The following GLI3 variants were observed in gnomAD, a reference collection of about 807,000 sequenced individuals.
GLI3 encodes GLI family zinc finger 3, also known as transcription activator GLI3.
Under a neutral mutation model 100.8 loss-of-function variants are expected in GLI3, and 20 were observed. The observed-to-expected ratio is 0.20, with a 90% CI of 0.14 to 0.29. The LOEUF (loss-of-function observed/expected upper bound fraction) is 0.29. Among genes scored for constraint, GLI3 ranks in the 10% least tolerant of loss-of-function variants. GLI3 has a pLI of 1.00. For synonymous variants in GLI3, 938 were observed against 860.5 expected, an observed-to-expected ratio of 1.09 and a Z score of -1.58; for missense variants, 2,040 against 2,128.5, an observed-to-expected ratio of 0.96 and a Z score of 0.82.
chr7:42,118,093 C>CTT (rs1255153310), intron 3 of GLI3: 2 of 372,294 alleles, frequency 5.4e-6, no homozygotes, highest in Non-Finnish European at 9.5e-6. Context: ...GGATTTTTTT[C>CTT]TTTTTAATGG....
intron 3 of GLI3, among the ~76,000 whole-genome samples, chr7:42,132,824 T>C (rs1234333962): frequency 6.6e-6 from 1 of 152,206 alleles, no homozygotes; most frequent in Non-Finnish European, 1.5e-5. Flanking sequence ...CAGGTTGATT[T>C]TGTAAAGCAT....
At chr7:42,177,127 G>A (rs1787496194) in intron 2 of GLI3, among the ~76,000 whole-genome samples, 1 of 152,132 alleles carries the variant, frequency 6.6e-6, no homozygotes, top group Non-Finnish European at 1.5e-5. Flanking sequence ...TCCCTTGAGA[G>A]CTTACATGTC....
intron 3 of GLI3, among the ~76,000 whole-genome samples, chr7:42,126,759 C>T (rs1786142959): frequency 6.6e-6 from 1 of 152,154 alleles, no homozygotes; most frequent in Non-Finnish European, 1.5e-5. Context: ...AAGTATACAC[C>T]TCACTTGACA....
intron 2 of GLI3, among the ~76,000 whole-genome samples, chr7:42,163,675 C>G (rs560139581): frequency 2.6e-5 from 4 of 152,156 alleles, no homozygotes; most frequent in Non-Finnish European, 2.9e-5. Flanking sequence ...GGTGATCCAC[C>G]CGCCTCAGCC....
At chr7:42,040,375 A>G in intron 6 of GLI3, 136 bp from the exon 7 acceptor site, 1 of 715,526 alleles carries the variant, frequency 1.4e-6, no homozygotes, top group East Asian at 2.7e-5. Context: ...CTCCTCCCCC[A>G]TGTGATCTAC....
At chr7:42,186,247 T>G (rs894645095) in intron 2 of GLI3, among the ~76,000 whole-genome samples, 7 of 152,178 alleles carry the variant, frequency 4.6e-5, no homozygotes, top group African/African-American at 1.4e-4. Context: ...TTTCAAAGTC[T>G]CTCAACCATA....
At chr7:42,104,002 G>C (rs555711411) in intron 3 of GLI3, among the ~76,000 whole-genome samples, 1 of 152,300 alleles carries the variant, frequency 6.6e-6, no homozygotes, top group Non-Finnish European at 1.5e-5. Flanking sequence ...TGACTTTCTA[G>C]TATTCACTGT....
chr7:42,097,534 G>A (rs1450587468), intron 3 of GLI3, among the ~76,000 whole-genome samples: 1 of 152,214 alleles, frequency 6.6e-6, no homozygotes, highest in African/African-American at 2.4e-5. Flanking sequence ...CCAGCAGCCT[G>A]CCAGGAGCAC....
chr7:42,187,709 G>A (rs750598715), intron 2 of GLI3, among the ~76,000 whole-genome samples: 11 of 152,118 alleles, frequency 7.2e-5, no homozygotes, highest in Middle Eastern at 3.4e-3. Flanking sequence ...GTGTCCTTAC[G>A]AGAAGGCCAG....
chr7:41,973,419 T>C (rs1024454697), intron 12 of GLI3, among the ~76,000 whole-genome samples: 4 of 152,242 alleles, frequency 2.6e-5, no homozygotes, highest in African/African-American at 9.6e-5. Flanking sequence ...GCTAATTTCA[T>C]TTTCTATGTG....
chr7:42,081,104 A>C (rs1784988934), intron 3 of GLI3, among the ~76,000 whole-genome samples: 1 of 152,112 alleles, frequency 6.6e-6, no homozygotes, highest in African/African-American at 2.4e-5. Flanking sequence ...TTTATCATAC[A>C]ATTTCCTGAC....
chr7:42,114,972 G>C (rs1439297504), intron 3 of GLI3, among the ~76,000 whole-genome samples: 2 of 151,932 alleles, frequency 1.3e-5, no homozygotes, highest in African/African-American at 4.8e-5. Flanking sequence ...AAAATATTGA[G>C]CTTACAGGCT....
At chr7:42,131,944 C>T (rs937835625) in intron 3 of GLI3, among the ~76,000 whole-genome samples, 4 of 152,008 alleles carry the variant, frequency 2.6e-5, no homozygotes, top group Admixed American at 1.3e-4. Flanking sequence ...AATATAAGCA[C>T]ATTCTGGAGT....
At chr7:42,217,813 T>G (rs145885869) in intron 2 of GLI3, among the ~76,000 whole-genome samples, 1,737 of 152,344 alleles carry the variant, frequency 0.011, 32 homozygotes, top group African/African-American at 0.039. Context: ...AAAACTGACG[T>G]GTATGTTCAA....
chr7:42,164,079 T>C (rs1787188850), intron 2 of GLI3, among the ~76,000 whole-genome samples: 1 of 152,118 alleles, frequency 6.6e-6, no homozygotes, highest in Non-Finnish European at 1.5e-5. Flanking sequence ...AACACCAAAA[T>C]GCATGCAAAA....
At chr7:42,076,961 C>A in intron 3 of GLI3, 104 bp from the exon 4 acceptor site, 1 of 752,218 alleles carries the variant, frequency 1.3e-6, no homozygotes. Flanking sequence ...ACTACCTACA[C>A]TTAATCTAAG....
At chr7:41,990,727 G>A (rs1194922082) in intron 10 of GLI3, among the ~76,000 whole-genome samples, 1 of 152,092 alleles carries the variant, frequency 6.6e-6, no homozygotes, top group Non-Finnish European at 1.5e-5. Flanking sequence ...AGTGTTTTTG[G>A]TACCAGCCAC....
intron 2 of GLI3, among the ~76,000 whole-genome samples, chr7:42,180,959 G>A (rs919634081): frequency 6.6e-6 from 1 of 152,154 alleles, no homozygotes; most frequent in East Asian, 1.9e-4. Flanking sequence ...CTGGACTGGG[G>A]GCTGGCAAAG....
intron 10 of GLI3, among the ~76,000 whole-genome samples, chr7:42,015,108 A>G (rs1788721579): frequency 6.6e-6 from 1 of 152,220 alleles, no homozygotes; most frequent in South Asian, 2.1e-4. Context: ...AAACCCAGTG[A>G]AGAACCTAGA....
Sources: allele counts gnomAD v4.1 joint callset (sites outside exome capture counted in the v4.1 genomes callset), GRCh38; gene constraint gnomAD v4.1.1; transcripts MANE v1.5; gene names NCBI Gene and HGNC (gene_info 2026-07-23, HGNC 2026-07-21).